The following HDAC9 variants were observed in gnomAD, a reference collection of about 807,000 sequenced individuals.
HDAC9 encodes the protein MEF-2 interacting transcription repressor (MITR) protein.
A neutral mutation model predicts 139.4 loss-of-function variants in HDAC9; 41 were observed. The observed-to-expected ratio is 0.29, with a 90% CI of 0.23 to 0.38. The LOEUF is 0.38. Ranked by LOEUF, HDAC9 falls within the 10% of genes least tolerant of loss-of-function variation. The pLI, the probability that HDAC9 is intolerant of heterozygous loss-of-function variation, is 1.00. For synonymous variants in HDAC9, 517 were observed against 476.2 expected (o/e 1.09, Z -1.12); for missense variants, 1,147 against 1,297.0 (o/e 0.88, Z 1.78).
chr7:18,815,936 T>C (rs1001768130), intron 17 of HDAC9, among the ~76,000 whole-genome samples: 1 of 152,238 alleles, frequency 6.6e-6, no homozygotes, highest in Non-Finnish European at 1.5e-5. Context: ...TGCAGATTAA[T>C]AGCATTGATT....
At chr7:18,966,272 G>A (rs1402475450) in intron 24 of HDAC9, among the ~76,000 whole-genome samples, 4 of 152,142 alleles carry the variant, frequency 2.6e-5, no homozygotes, top group Admixed American at 6.5e-5. Flanking sequence ...GGGTCCTCAC[G>A]AATACCAGTT....
At chr7:18,661,774 T>C (rs1018502091) in intron 11 of HDAC9, among the ~76,000 whole-genome samples, 4 of 152,168 alleles carry the variant, frequency 2.6e-5, no homozygotes, top group African/African-American at 9.7e-5. Context: ...TATTCTGGCT[T>C]TTTTCTTCCC....
chr7:18,750,191 T>TA (rs1257978193), intron 14 of HDAC9, among the ~76,000 whole-genome samples: 1 of 152,170 alleles, frequency 6.6e-6, no homozygotes, highest in Admixed American at 6.5e-5. Flanking sequence ...TGCAAACTAC[T>TA]AAAAATAATT....
At chr7:18,965,419 C>A (rs1563091278) in intron 24 of HDAC9, among the ~76,000 whole-genome samples, 1 of 152,168 alleles carries the variant, frequency 6.6e-6, no homozygotes, top group Non-Finnish European at 1.5e-5. Flanking sequence ...ACAGTTCCTA[C>A]CAGGTTTTCC....
At chr7:18,408,138 T>A (rs1055656309) in intron 1 of HDAC9, among the ~76,000 whole-genome samples, 7 of 152,184 alleles carry the variant, frequency 4.6e-5, no homozygotes, top group Admixed American at 2.6e-4. Flanking sequence ...AGTATGATGA[T>A]TTTGTTAATT....
chr7:18,689,962 G>A lies in HDAC9; in HGVS notation c.1731+23486G>A, dbSNP rs114701382. On this transcript the variant is annotated intron_variant, in intron 12 of 25. Transcript: ENST00000686413. ...ATGTGTAGAAGGTATTCTTCCATGG[G>A]TAATTTTATGCCTTAAATCAAGATT... 4.4e-3 allele frequency among the ~76,000 whole-genome samples: 673 copies of A among 152,040 alleles called. 2 individuals are homozygous for A. Among genetic ancestry groups the A allele is most frequent in the African/African-American group, 0.016 (647 of 41,514 alleles).
At chr7:18,146,407 G>A (rs1356198096) in intron 1 of HDAC9, among the ~76,000 whole-genome samples, 1 of 152,104 alleles carries the variant, frequency 6.6e-6, no homozygotes, top group Non-Finnish European at 1.5e-5. Context: ...TTGGGCTCAG[G>A]CTTGGCTTGG....
At chr7:18,112,027 T>A (rs1011162737) in intron 1 of HDAC9, among the ~76,000 whole-genome samples, 20 of 152,232 alleles carry the variant, frequency 1.3e-4, no homozygotes, top group African/African-American at 4.3e-4. Context: ...AATTAAAGTA[T>A]GTACACTTAC....
At chr7:18,290,385 C>T (rs1029627343), upstream of HDAC9, 6 of 442,128 alleles carry the variant, frequency 1.4e-5, no homozygotes, top group African/African-American at 8.2e-5. Context: ...ATAAAATTAG[C>T]AAGTTGACTA....
intron 2 of HDAC9, among the ~76,000 whole-genome samples, chr7:18,203,742 C>T (rs1180424019): frequency 6.6e-6 from 1 of 152,198 alleles, no homozygotes. Flanking sequence ...TTTCTTTCCT[C>T]CCACACACCA....
intron 17 of HDAC9, among the ~76,000 whole-genome samples, chr7:18,819,800 T>G (rs1415630089): frequency 6.6e-6 from 1 of 152,140 alleles, no homozygotes; most frequent in Non-Finnish European, 1.5e-5. Flanking sequence ...AAGTAAAACT[T>G]GAGAAGAAAT....
chr7:18,566,154 G>A (rs1822266852), intron 2 of HDAC9, among the ~76,000 whole-genome samples: 1 of 152,222 alleles, frequency 6.6e-6, no homozygotes, highest in Admixed American at 6.5e-5. Flanking sequence ...TTCATTGAGA[G>A]AGAAAATGGA....
rs1390419894 is a variant in HDAC9, at chr7:18,658,337, C to T, written c.1468-7876C>T. ...GGCAATGTTCTCAAACTAGTTGGAA[C>T]AAACCTTCAGTTTCCTTCCCAGAAG... On this transcript the variant is annotated intron_variant, in intron 11 of 25. Coordinates refer to ENST00000686413, the MANE Select transcript of HDAC9 (RefSeq NM_178425.4). Among the ~76,000 whole-genome samples, 5 of 152,128 alleles carry T rather than the reference C, an allele frequency of 3.3e-5. No homozygotes were observed. The East Asian group carries it at 9.7e-4, about 29-fold the overall frequency.
chr7:18,949,539 T>G lies in HDAC9; in HGVS notation c.2938-4607T>G. 1.4e-5 allele frequency: 3 copies of G among 214,484 alleles called. No homozygotes were observed. The South Asian group carries it at 2.4e-4, about 17-fold the overall frequency. 13.3% of individuals were successfully genotyped at this position (214,484 alleles called of 1,614,324 possible). A position where few individuals can be genotyped will look rare whatever the true frequency, so the allele number is the denominator to read the frequency against. On this transcript the variant is annotated intron_variant, in intron 23 of 25. Coordinates refer to ENST00000686413, the MANE Select transcript of HDAC9 (RefSeq NM_178425.4). ...CAGACATTTTCAAAGTTGCCAGTGT[T>G]ACTTTTATTTGGACTGCGTTTATAT...
At chr7:18,732,718 TAC>T (rs371390037) in intron 13 of HDAC9, among the ~76,000 whole-genome samples, 1,408 of 97,768 alleles carry the variant, frequency 0.014, 194 homozygotes, top group Middle Eastern at 0.03. Flanking sequence ...TGCGTATGTG[TAC>T]ACACACACAC....
intron 2 of HDAC9, among the ~76,000 whole-genome samples, chr7:18,243,992 A>G (rs1186321933): frequency 6.6e-6 from 1 of 152,202 alleles, no homozygotes; most frequent in Non-Finnish European, 1.5e-5. Context: ...AAAGCAGATA[A>G]ACTATGGGGG....
chr7:18,332,392 T>TGTGTGTGA (rs1491466092), intron 1 of HDAC9, among the ~76,000 whole-genome samples: 8 of 90,482 alleles, frequency 8.8e-5, no homozygotes, highest in African/African-American at 3.3e-4. Context: ...TGTGTGTGTG[T>TGTGTGTGA]GAGAGAGAGA....
chr7:18,953,067 A>G (rs1051865927), intron 23 of HDAC9, among the ~76,000 whole-genome samples: 1 of 152,006 alleles, frequency 6.6e-6, no homozygotes, highest in African/African-American at 2.4e-5. Context: ...TCACTCACAT[A>G]TGTGGTGGAA....
chr7:18,982,159 C>T (rs1176558721), intron 25 of HDAC9, among the ~76,000 whole-genome samples: 1 of 152,150 alleles, frequency 6.6e-6, no homozygotes, highest in Non-Finnish European at 1.5e-5. Flanking sequence ...TTTTTAACTT[C>T]TACTGCTGAC....
Sources: allele counts gnomAD v4.1 joint callset (sites outside exome capture counted in the v4.1 genomes callset), GRCh38; gene constraint gnomAD v4.1.1; transcripts MANE v1.5; gene names NCBI Gene and HGNC (gene_info 2026-07-23, HGNC 2026-07-21).